NEGR1: variants seen among roughly 807,000 people sequenced by gnomAD.
NEGR1 encodes the protein neuronal growth regulator 1.
NEGR1 carries 10 observed loss-of-function variants against 40.9 expected under a neutral mutation model. That is an observed-to-expected ratio of 0.24 (90% confidence interval 0.15 to 0.42). The LOEUF is 0.42. Ranked by LOEUF, NEGR1 falls within the 10% of genes least tolerant of loss-of-function variation. The probability of loss-of-function intolerance (pLI) is 1.00; values close to 1 mark genes in which losing one functional copy is unlikely to be tolerated. For synonymous variants in NEGR1, 185 were observed against 166.8 expected (o/e 1.11, Z -0.84); for missense variants, 352 against 438.9 (o/e 0.80, Z 1.77).
At chr1:71,434,350 A>G (rs1646492256) in intron 6 of NEGR1, among the ~76,000 whole-genome samples, 1 of 152,228 alleles carries the variant, frequency 6.6e-6, no homozygotes, top group Admixed American at 6.5e-5. Flanking sequence ...AAATGTAAAG[A>G]TGTGGTATTA....
intron 1 of NEGR1, among the ~76,000 whole-genome samples, chr1:72,025,834 G>C (rs928304981): frequency 6.6e-6 from 1 of 152,092 alleles, no homozygotes; most frequent in Admixed American, 6.5e-5. Flanking sequence ...ATAATTGGCC[G>C]GGAGCGGTGG....
chr1:71,399,862 A>C lies in NEGR1; in HGVS notation c.*7584T>G, dbSNP rs1464661196. 3 of 152,322 alleles carry C rather than the reference A, an allele frequency of 2.0e-5. No individual in the cohort carries two copies. In the East Asian group the frequency reaches 5.8e-4, roughly 29 times the overall value. The allele number at this position is 152,322 out of a possible 1,614,324, so 9.4% of individuals were successfully genotyped here. On this transcript the variant is annotated 3_prime_UTR_variant, in exon 7 of 7. Coordinates refer to ENST00000357731, the MANE Select transcript of NEGR1 (RefSeq NM_173808.3). ...ATGGAAGAGTTCTGTGGCTCTTACT[A>C]GGTATTTTTAGAACAATCAAGAGAA...
At chr1:71,935,420 T>A in intron 1 of NEGR1, 109 bp from the exon 2 acceptor site, 1 of 707,440 alleles carries the variant, frequency 1.4e-6, no homozygotes, top group East Asian at 2.6e-5. Flanking sequence ...CAGCATCAAA[T>A]GCAAACATCA....
chr1:71,485,641 C>T (rs186386695), intron 6 of NEGR1, among the ~76,000 whole-genome samples: 2 of 151,776 alleles, frequency 1.3e-5, no homozygotes, highest in African/African-American at 4.8e-5. Flanking sequence ...TTTACTGTCT[C>T]CATAGTTTTG....
intron 1 of NEGR1, among the ~76,000 whole-genome samples, chr1:72,274,208 T>C (rs992825959): frequency 1.3e-5 from 2 of 152,030 alleles, no homozygotes; most frequent in African/African-American, 4.8e-5. Context: ...TCAACTTTAT[T>C]AGGTTAAAAC....
intron 3 of NEGR1, among the ~76,000 whole-genome samples, chr1:71,739,255 C>T (rs1057170600): frequency 2.6e-5 from 4 of 151,270 alleles, no homozygotes; most frequent in Non-Finnish European, 5.9e-5. Flanking sequence ...ACTCGCTTAG[C>T]CTCCCAGCCT....
intron 2 of NEGR1, among the ~76,000 whole-genome samples, chr1:71,853,618 T>C (rs559103056): frequency 5.9e-5 from 9 of 152,010 alleles, no homozygotes; most frequent in Non-Finnish European, 1.2e-4. Flanking sequence ...CTAGAGAAAA[T>C]TGAGGCTGAC....
intron 4 of NEGR1, among the ~76,000 whole-genome samples, chr1:71,639,012 A>T (rs1651257728): frequency 5.9e-5 from 9 of 151,876 alleles, no homozygotes; most frequent in Admixed American, 5.9e-4. Context: ...ATAAGAATAA[A>T]ATAAAAATGA....
intron 1 of NEGR1, among the ~76,000 whole-genome samples, chr1:72,089,334 G>A (rs372035688): frequency 5.9e-5 from 9 of 152,240 alleles, no homozygotes; most frequent in South Asian, 4.1e-4. Context: ...ACAAGGGCTG[G>A]CAGACTAAAT....
chr1:72,171,247 C>T (rs1243310584), intron 1 of NEGR1, among the ~76,000 whole-genome samples: 1 of 152,086 alleles, frequency 6.6e-6, no homozygotes, highest in African/African-American at 2.4e-5. Context: ...CTAACAGTAG[C>T]TATAAATATT....
In NEGR1 at chr1:71,623,314, A is replaced by G. The variant is rs147076515; in HGVS notation, c.668-12168T>C. ...ACTACAGATATAGATTCCCTAGTAA[A>G]AAATGAACATTAAACCACTTTCACC... On this transcript the variant is annotated intron_variant, in intron 4 of 6. Coordinates refer to ENST00000357731, the MANE Select transcript of NEGR1 (RefSeq NM_173808.3). Among the ~76,000 whole-genome samples the G allele has an allele frequency of 9.9e-4, 150 of 152,016 alleles. No individual in the cohort carries two copies. The East Asian group carries it at 0.012, about 13-fold the overall frequency.
At chr1:72,155,161 G>A (rs1651313147) in intron 1 of NEGR1, among the ~76,000 whole-genome samples, 1 of 151,888 alleles carries the variant, frequency 6.6e-6, no homozygotes, top group Admixed American at 6.6e-5. Flanking sequence ...CTTTCTAATT[G>A]TTCTAACCTT....
At chr1:71,486,080 TC>T in intron 6 of NEGR1, among the ~76,000 whole-genome samples, 1 of 151,802 alleles carries the variant, frequency 6.6e-6, no homozygotes, top group South Asian at 2.1e-4. Flanking sequence ...GAATAAGAGT[TC>T]CTGTTGCTTC....
intron 1 of NEGR1, among the ~76,000 whole-genome samples, chr1:72,251,133 G>A (rs954209527): frequency 2.1e-4 from 32 of 152,084 alleles, no homozygotes; most frequent in African/African-American, 6.8e-4. Flanking sequence ...ACTGACTCCT[G>A]TTTACTAGAA....
At chr1:72,158,404 A>G (rs1186946447) in intron 1 of NEGR1, among the ~76,000 whole-genome samples, 2 of 152,272 alleles carry the variant, frequency 1.3e-5, no homozygotes, top group African/African-American at 4.8e-5. Flanking sequence ...TGGCAGGCTC[A>G]CAGGTAGCAG....
chr1:71,675,456 GAT>G (rs1652594885), intron 4 of NEGR1, among the ~76,000 whole-genome samples: 1 of 150,838 alleles, frequency 6.6e-6, no homozygotes, highest in African/African-American at 2.4e-5. Flanking sequence ...TATAGATATA[GAT>G]ATATGTGTAT....
intron 1 of NEGR1, among the ~76,000 whole-genome samples, chr1:72,225,122 G>T (rs1570144211): frequency 6.6e-6 from 1 of 151,890 alleles, no homozygotes; most frequent in East Asian, 1.9e-4. Context: ...ATCAGTGAAT[G>T]CCCATGTTTT....
chr1:71,563,309 T>C (rs1648519538), intron 6 of NEGR1, among the ~76,000 whole-genome samples: 1 of 151,956 alleles, frequency 6.6e-6, no homozygotes, highest in African/African-American at 2.4e-5. Context: ...GGCAGATAAA[T>C]GGCCGGTGCA....
At chr1:71,562,768 A>C (rs940800561) in intron 6 of NEGR1, among the ~76,000 whole-genome samples, 2 of 151,970 alleles carry the variant, frequency 1.3e-5, no homozygotes, top group African/African-American at 4.8e-5. Context: ...TCAAGGTCTA[A>C]GTGACTCCAA....
Sources: gnomAD v4.1 joint callset for allele counts (sites outside exome capture counted in the v4.1 genomes callset) on GRCh38, gnomAD v4.1.1 for gene constraint, MANE v1.5 for transcripts, NCBI Gene and HGNC (gene_info 2026-07-23, HGNC 2026-07-21) for gene names.